TXNRD1: variants seen among roughly 807,000 people sequenced by gnomAD.
The protein encoded by TXNRD1 is thioredoxin reductase 1, cytoplasmic.
Under a neutral mutation model 80.3 loss-of-function variants are expected in TXNRD1, and 57 were observed. The observed-to-expected ratio is 0.71, with a 90% CI of 0.57 to 0.89. The LOEUF is 0.89. TXNRD1 is among the 40% of genes least tolerant of loss of function. The probability of loss-of-function intolerance (pLI) is 0.00; values close to 1 mark genes in which losing one functional copy is unlikely to be tolerated. For missense variants in TXNRD1, 730 were observed against 803.0 expected (o/e 0.91, Z 1.10); for synonymous variants, 291 against 285.2 (o/e 1.02, Z -0.20).
At chr12:104,315,957 G>T in intron 7 of TXNRD1, 61 bp downstream of exon 7, 1 of 1,539,048 alleles carries the variant, frequency 6.5e-7, no homozygotes, top group Non-Finnish European at 8.8e-7. Context: ...TGCAATTTTT[G>T]TGATGCGTCG....
chr12:104,275,170 C>G (rs551687734), intron 3 of TXNRD1, among the ~76,000 whole-genome samples: 1 of 150,432 alleles, frequency 6.6e-6, no homozygotes, highest in African/African-American at 2.4e-5. Flanking sequence ...CCCAGCTACT[C>G]GGGTGGCTGA....
chr12:104,267,003 T>A (rs930380519), intron 3 of TXNRD1, among the ~76,000 whole-genome samples: 12 of 144,634 alleles, frequency 8.3e-5, no homozygotes, highest in African/African-American at 2.8e-4. Context: ...AAATAAAAAA[T>A]AAAAATACAA....
At chr12:104,256,776 C>CA (rs71069738) in intron 2 of TXNRD1, among the ~76,000 whole-genome samples, 73,678 of 118,798 alleles carry the variant, frequency 0.62, 22,515 homozygotes, top group Non-Finnish European at 0.68. Flanking sequence ...GACTCTGTCT[C>CA]AAAAAAAAAA....
rs774802637 is a variant in TXNRD1 at position 104,319,007 on chromosome 12, C to T, written c.825C>T (p.Val275=). 11 of 1,613,514 alleles carry T rather than the reference C, an allele frequency of 6.8e-6. No homozygotes were observed. The highest frequency in any genetic ancestry group is 4.5e-5 in the East Asian group (2 of 44,880). Residue 275 remains valine, a synonymous_variant, in exon 8 of 17, where the codon GTC becomes GTT. Transcript: ENST00000525566. ...GAGTAGCTCTGCGGGAGAAAAAAGT[C>T]GTCTATGAGAATGCTTATGGGCAAT... ...GYRVALREKK[V]VYENAYGQFI...
Position 104,325,298 on chromosome 12 carries a change from AT to A in TXNRD1, c.1216-38del, listed in dbSNP as rs767292602. On this transcript the variant is annotated intron_variant, in intron 10 of 16. Coordinates refer to ENST00000525566, the MANE Select transcript of TXNRD1 (RefSeq NM_001093771.3). ...GAAGGTAGAGAATCCAACTTGATAA[AT>A]GTCTTTATTTCACAGTAAAACTTTA... is the stretch of plus-strand genomic sequence containing the variant. The A allele has an allele frequency of 5.3e-6, 8 of 1,501,786 alleles. No homozygotes were observed. The African/African-American group carries it at 1.1e-4, about 21-fold the overall frequency. The allele number at this position is 1,501,786 out of a possible 1,614,324, so 93.0% of individuals were successfully genotyped here.
chr12:104,267,699 T>TTCTTTCTTTCTTTCTTTCTCTCTC (rs1555209251), intron 3 of TXNRD1, among the ~76,000 whole-genome samples: 7 of 46,448 alleles, frequency 1.5e-4, no homozygotes, highest in South Asian at 1.4e-3. Context: ...CTTTCTTTCT[T>TTCTTTCTTTCTTTCTTTCTCTCTC]TCTCTCTTTC....
At chr12:104,304,562 C>T in intron 4 of TXNRD1, 1 of 1,613,996 alleles carries the variant, frequency 6.2e-7, no homozygotes. Flanking sequence ...GAAGTTGGAC[C>T]TGAGTAGTTA....
intron 1 of TXNRD1, among the ~76,000 whole-genome samples, chr12:104,249,551 A>C (rs2033066664): frequency 6.6e-6 from 1 of 152,166 alleles, no homozygotes; most frequent in South Asian, 2.1e-4. Context: ...GTTATTTAAA[A>C]ATTTCTTAAA....
intron 4 of TXNRD1, chr12:104,304,433 A>T: frequency 6.2e-7 from 1 of 1,614,042 alleles, no homozygotes; most frequent in Non-Finnish European, 8.5e-7. Context: ...AAAAGCTGAG[A>T]CATTCCATTT....
rs180885045 is a variant in TXNRD1 at position 104,315,294 on chromosome 12, A to T, written c.611-483A>T. Among the ~76,000 whole-genome samples, 235 of 152,366 alleles carry T rather than the reference A, an allele frequency of 1.5e-3. 1 individual carries two copies. Among genetic ancestry groups the T allele is most frequent in the Admixed American group, 3.9e-3 (59 of 15,300 alleles). On this transcript the variant is annotated intron_variant, in intron 6 of 16. Coordinates refer to ENST00000525566, the MANE Select transcript of TXNRD1 (RefSeq NM_001093771.3). ...TACCTTAAACATGCTCCGAAAACTT[A>T]CATTAACCTACAGTTGGGCAAAATC...
intron 3 of TXNRD1, chr12:104,265,248 CT>C (rs2033450591): frequency 7.9e-7 from 1 of 1,272,654 alleles, no homozygotes; most frequent in Non-Finnish European, 1.1e-6. Flanking sequence ...GAGACTCCGT[CT>C]TAAAAAAAAA....
chr12:104,249,972 C>T (rs1593706754), intron 1 of TXNRD1, among the ~76,000 whole-genome samples: 1 of 146,214 alleles, frequency 6.8e-6, no homozygotes, highest in Non-Finnish European at 1.5e-5. Flanking sequence ...GCTTACTAGA[C>T]ATAATGATTA....
chr12:104,344,900 C>G (rs1384445023), intron 16 of TXNRD1, among the ~76,000 whole-genome samples: 1 of 152,170 alleles, frequency 6.6e-6, no homozygotes, highest in African/African-American at 2.4e-5. Flanking sequence ...CCAAGGAAGT[C>G]TTTTAGGGGT....
At chr12:104,317,113 TAA>T (rs1264157993) in intron 7 of TXNRD1, among the ~76,000 whole-genome samples, 2 of 152,192 alleles carry the variant, frequency 1.3e-5, no homozygotes, top group African/African-American at 4.8e-5. Context: ...CTCAGACCCT[TAA>T]GAGAGAGAGG....
At chr12:104,287,974 G>GT (rs1235605897) in intron 3 of TXNRD1, among the ~76,000 whole-genome samples, 2 of 152,224 alleles carry the variant, frequency 1.3e-5, no homozygotes, top group East Asian at 3.9e-4. Context: ...TTTGTTTTTT[G>GT]TTTTTTGTTG....
intron 16 of TXNRD1, among the ~76,000 whole-genome samples, chr12:104,343,591 G>A (rs548498567): frequency 2.2e-4 from 34 of 152,214 alleles, no homozygotes; most frequent in Non-Finnish European, 4.0e-4. Context: ...CTTGAAGCCC[G>A]GAGTTTGAGA....
intron 4 of TXNRD1, among the ~76,000 whole-genome samples, chr12:104,307,233 G>A (rs1223141304): frequency 6.6e-6 from 1 of 152,168 alleles, no homozygotes; most frequent in African/African-American, 2.4e-5. Flanking sequence ...AAATCTGCTT[G>A]TTTCTTGCTA....
Position 104,254,804 on chromosome 12 carries a change from C to T in TXNRD1, c.243+3126C>T, listed in dbSNP as rs1243613353. ...CCAGCCTTGGTGACAGAGTGAGACC[C>T]TGTCTCTAAAATAAATACATATGGG... On this transcript the variant is annotated intron_variant, in intron 2 of 16. Transcript: ENST00000525566. Among the ~76,000 whole-genome samples, 4 of 151,252 alleles carry T rather than the reference C, an allele frequency of 2.6e-5. No homozygotes were observed. In the Admixed American group the frequency reaches 2.6e-4, roughly 10 times the overall value.
At chr12:104,313,784 C>T (rs4246269) in intron 6 of TXNRD1, among the ~76,000 whole-genome samples, 138,006 of 152,254 alleles carry the variant, frequency 0.91, 62,809 homozygotes, top group African/African-American at 0.98. Context: ...GCAGTGAACT[C>T]GGCATATTCA....
Sources: allele counts gnomAD v4.1 joint callset (sites outside exome capture counted in the v4.1 genomes callset), GRCh38; gene constraint gnomAD v4.1.1; transcripts MANE v1.5; gene names NCBI Gene and HGNC (gene_info 2026-07-23, HGNC 2026-07-21).